Variants in UGT2A1 observed in about 807,000 individuals in gnomAD.
UGT2A1 encodes the protein UDP glucuronosyltransferase family 2 member A1 complex locus.
In UGT2A1, 61 loss-of-function variants were observed where a neutral mutation model predicts 45.4. The ratio of observed to expected loss-of-function variants is 1.34; its 90% CI spans 1.09 to 1.66. The LOEUF (loss-of-function observed/expected upper bound fraction) is 1.66. Ranked by LOEUF, UGT2A1 falls within the 40% of genes most tolerant of loss-of-function variation. The probability of loss-of-function intolerance (pLI) is 0.00; values close to 1 mark genes in which losing one functional copy is unlikely to be tolerated. For synonymous variants in UGT2A1, 229 were observed against 196.2 expected (o/e 1.17, Z -1.40); for missense variants, 649 against 574.3 (o/e 1.13, Z -1.33).
chr4:69,647,807 A>G (rs1722351826), intron 1 of UGT2A1, 109 bp from the exon 2 acceptor site: 1 of 477,016 alleles, frequency 2.1e-6, no homozygotes, highest in African/African-American at 2.0e-5. Context: ...TAGTAGCTCC[A>G]TATTTTAGGA....
intron 1 of UGT2A1, among the ~76,000 whole-genome samples, chr4:69,651,601 T>C (rs1722529085): frequency 6.6e-6 from 1 of 152,198 alleles, no homozygotes; most frequent in East Asian, 1.9e-4. Context: ...CAGGTGACAG[T>C]TCCATGATTA....
intron 3 of UGT2A1, among the ~76,000 whole-genome samples, chr4:69,609,697 T>C (rs554399631): frequency 6.6e-6 from 1 of 152,256 alleles, no homozygotes; most frequent in South Asian, 2.1e-4. Context: ...CCTATACCTA[T>C]ACCTATACCT....
rs1412061278 is a variant in UGT2A1 at position 69,589,603 on chromosome 4, A to G, written c.1353T>C (p.Pro451=). 5.0e-6 allele frequency: 8 copies of G among 1,613,978 alleles called. No individual in the cohort carries two copies. The highest frequency in any genetic ancestry group is 1.1e-5 in the South Asian group (1 of 91,078). ...AGACTGCTCGATCCAGGGGCTTTAC[A>G]GGTTGATCATGGTGAATTCTTGATA... ...MRLSRIHHDQ[P]VKPLDRAVFW... Residue 451 remains proline, a synonymous_variant, in exon 7 of 7, where the codon CCT becomes CCC. Transcript: ENST00000286604.
chr4:69,636,041 G>A (rs980735474), intron 2 of UGT2A1, among the ~76,000 whole-genome samples: 2 of 152,020 alleles, frequency 1.3e-5, no homozygotes, highest in Non-Finnish European at 2.9e-5. Flanking sequence ...CATTTCATCT[G>A]TAAGATTTAA....
chr4:69,627,491 T>G (rs1447191203), intron 3 of UGT2A1, among the ~76,000 whole-genome samples: 19 of 129,238 alleles, frequency 1.5e-4, no homozygotes, highest in African/African-American at 5.7e-4. Flanking sequence ...CAGGCAGGCA[T>G]GCAGGAAGGA....
At chr4:69,626,861 C>A (rs13129549) in intron 3 of UGT2A1, among the ~76,000 whole-genome samples, 119,209 of 151,504 alleles carry the variant, frequency 0.79, 47,036 homozygotes, top group South Asian at 0.85. Context: ...GATTTTGGAA[C>A]CTTCTTCACA....
Position 69,647,431 on chromosome 4 carries a change from C to T in UGT2A1, c.214G>A (p.Glu72Lys), listed in dbSNP as rs1722328336. 1 of 1,612,640 alleles carries T rather than the reference C, an allele frequency of 6.2e-7. No individual in the cohort carries two copies. The highest frequency in any genetic ancestry group is 1.3e-5 in the African/African-American group (1 of 74,828). The change falls in exon 2 of 7, where the codon GAA becomes AAA. Residue 72 changes from glutamate to lysine, a missense_variant. By Grantham distance (56) the Glu-to-Lys change is moderately conservative. Coordinates refer to ENST00000286604, the MANE Select transcript of UGT2A1 (RefSeq NM_001252275.3). ...TPTSNPSLTFEIYKVPFGKER... is the reference protein window; with the variant it reads ...TPTSNPSLTFKIYKVPFGKER... ...TTGCCAAAGGGCACCTTATATATTT[C>T]AAATGTCAGAGATGGGTTAGAGGTT...
chr4:69,631,294 CA>C (rs1721370553), intron 3 of UGT2A1, among the ~76,000 whole-genome samples: 1 of 133,816 alleles, frequency 7.5e-6, no homozygotes, highest in Non-Finnish European at 1.6e-5. Context: ...TGATGTTTGT[CA>C]AAGAGAGAGT....
intron 2 of UGT2A1, among the ~76,000 whole-genome samples, chr4:69,646,229 T>G (rs1032161183): frequency 5.3e-5 from 8 of 151,786 alleles, no homozygotes; most frequent in African/African-American, 1.9e-4. Flanking sequence ...AATGATAAAA[T>G]TCAAAAGCAT....
rs1352064254 is a variant in UGT2A1 at position 69,589,158 on chromosome 4, A to G, written c.*214T>C. 2.0e-6 allele frequency: 1 copy of G among 512,704 alleles called. No individual in the cohort carries two copies. The highest frequency in any genetic ancestry group is 3.0e-6 in the Non-Finnish European group (1 of 330,990). The allele number at this position is 512,704 out of a possible 1,614,324, so 31.8% of individuals were successfully genotyped here. On this transcript the variant is annotated 3_prime_UTR_variant, in exon 7 of 7. Coordinates refer to ENST00000286604, the MANE Select transcript of UGT2A1 (RefSeq NM_001252275.3). ...GGGTATAGTCAGCAGGGAGAGACAAAGGAAAAATAGAAGACTATAACTCAC... is the reference window on the plus strand; with the variant it reads ...GGGTATAGTCAGCAGGGAGAGACAAGGGAAAAATAGAAGACTATAACTCAC...
intron 4 of UGT2A1, 139 bp downstream of exon 4, chr4:69,599,106 TC>T (rs1271872367): frequency 1.6e-6 from 2 of 1,284,246 alleles, no homozygotes; most frequent in Non-Finnish European, 2.1e-6. Flanking sequence ...GTAGGAGACC[TC>T]TATCACAAGG....
chr4:69,637,125 T>C (rs1721755876), intron 2 of UGT2A1, among the ~76,000 whole-genome samples: 1 of 151,956 alleles, frequency 6.6e-6, no homozygotes, highest in African/African-American at 2.4e-5. Flanking sequence ...AAAAGAAAAA[T>C]GTGGTTTGAA....
At chr4:69,645,582 C>T (rs189272220) in intron 2 of UGT2A1, among the ~76,000 whole-genome samples, 261 of 151,860 alleles carry the variant, frequency 1.7e-3, no homozygotes, top group African/African-American at 6.1e-3. Flanking sequence ...AGGGCAGGCT[C>T]CTACCACATC....
chr4:69,649,883 C>T (rs1384309456), intron 1 of UGT2A1, among the ~76,000 whole-genome samples: 1 of 151,992 alleles, frequency 6.6e-6, no homozygotes, highest in Non-Finnish European at 1.5e-5. Flanking sequence ...AGTAAGGAAA[C>T]AGGGTAATAA....
intron 1 of UGT2A1, among the ~76,000 whole-genome samples, chr4:69,650,944 C>T (rs1203317404): frequency 6.6e-6 from 1 of 151,924 alleles, no homozygotes; most frequent in Non-Finnish European, 1.5e-5. Context: ...ATGTGCATGA[C>T]AAGCAGTGCG....
At chr4:69,603,038 C>G (rs62306487) in intron 3 of UGT2A1, among the ~76,000 whole-genome samples, 24,602 of 133,240 alleles carry the variant, frequency 0.18, 5,880 homozygotes, top group Non-Finnish European at 0.22. Context: ...CTGCAATCCA[C>G]CCTGGGTGAC....
intron 1 of UGT2A1, 92 bp from the exon 2 acceptor site, chr4:69,647,790 C>T (rs978967968): frequency 5.3e-6 from 3 of 569,084 alleles, no homozygotes; most frequent in Non-Finnish European, 9.0e-6. Context: ...GAAAGTGATA[C>T]TAGTCATAGT....
chr4:69,639,343 T>G, intron 2 of UGT2A1: 1 of 1,613,734 alleles, frequency 6.2e-7, no homozygotes, highest in Non-Finnish European at 8.5e-7. Flanking sequence ...CACAGCATTA[T>G]CATATGCTCA....
chr4:69,625,644 C>T (rs1414018159), intron 3 of UGT2A1, among the ~76,000 whole-genome samples: 2 of 151,048 alleles, frequency 1.3e-5, no homozygotes, highest in African/African-American at 4.8e-5. Context: ...TATATGCTTA[C>T]TTTTATGTTC....
Sources: allele counts gnomAD v4.1 joint callset (sites outside exome capture counted in the v4.1 genomes callset), GRCh38; gene constraint gnomAD v4.1.1; transcripts MANE v1.5; gene names NCBI Gene and HGNC (gene_info 2026-07-23, HGNC 2026-07-21).